Variants in PAICS observed in about 807,000 individuals in gnomAD.
The protein encoded by PAICS is phosphoribosylaminoimidazole carboxylase and phosphoribosylaminoimidazolesuccinocarboxamide synthase, also known as bifunctional phosphoribosylaminoimidazole carboxylase/phosphoribosylaminoimidazole succinocarboxamide synthetase.
PAICS carries 33 observed loss-of-function variants against 53.7 expected under a neutral mutation model. The ratio of observed to expected loss-of-function variants is 0.61; its 90% CI spans 0.47 to 0.82. PAICS has a LOEUF of 0.82. Among genes scored for constraint, PAICS ranks in the 40% least tolerant of loss-of-function variants. The pLI is 0.00. For synonymous variants in PAICS, 141 were observed against 167.2 expected, an observed-to-expected ratio of 0.84 and a Z score of 1.21; for missense variants, 394 against 494.1, an observed-to-expected ratio of 0.80 and a Z score of 1.92.
chr4:56,426,716 A>C, the PAICS span, among the ~76,000 whole-genome samples: 1 of 152,156 alleles, frequency 6.6e-6, no homozygotes, highest in Admixed American at 6.5e-5. Flanking sequence ...GGCTCCTATG[A>C]ATACTGTTGC....
intron 8 of PAICS, among the ~76,000 whole-genome samples, chr4:56,456,357 G>A (rs1309251679): frequency 6.6e-6 from 1 of 152,210 alleles, no homozygotes; most frequent in African/African-American, 2.4e-5. Flanking sequence ...CTCCCAAAGT[G>A]CTGAGGTTAT....
the PAICS span, chr4:56,422,872 C>G: frequency 1.3e-5 from 2 of 152,194 alleles, no homozygotes; most frequent in Non-Finnish European, 2.9e-5. Flanking sequence ...TCAGCATTAA[C>G]TGAGAACTTA....
At position 56,450,740 on chromosome 4, in the gene PAICS, TTTTC is replaced by T. The variant is rs752261717; in HGVS notation, c.771+41_771+44del. 7.6e-4 allele frequency: 738 copies of T among 968,528 alleles called. 6 individuals carry two copies. Among genetic ancestry groups the T allele is most frequent in the South Asian group, 5.9e-3 (405 of 68,910 alleles). 60.0% of individuals were successfully genotyped at this position (968,528 alleles called of 1,614,324 possible). On this transcript the variant is annotated intron_variant, in intron 6 of 8. Coordinates refer to ENST00000512576, the MANE Select transcript of PAICS (RefSeq NM_001079524.2). ...TAGTAAAACTGTATGTATTATGTGT[TTTTC>T]TTCTAAGAAAATCTTGTTTCAAAAG...
At chr4:56,432,164 C>G (rs557038007), upstream of PAICS, among the ~76,000 whole-genome samples, 17 of 152,184 alleles carry the variant, frequency 1.1e-4, no homozygotes, top group South Asian at 3.1e-3. Flanking sequence ...AGATTATACC[C>G]AAGACAAAAA....
At position 56,455,804 on chromosome 4, in the gene PAICS, C is replaced by A. The variant is rs574118865; in HGVS notation, c.1111+2043C>A. Among the ~76,000 whole-genome samples the A allele has an allele frequency of 7.2e-5, 11 of 152,258 alleles. No individual in the cohort carries two copies. The South Asian group carries it at 2.3e-3, about 32-fold the overall frequency. ...TATGAATTTTGTTTCTCTCTGGAAT[C>A]TTTCAGGATCTTTTGTCTGTTTTCA... On this transcript the variant is annotated intron_variant, in intron 8 of 8. Coordinates refer to ENST00000512576, the MANE Select transcript of PAICS (RefSeq NM_001079524.2).
the PAICS span, among the ~76,000 whole-genome samples, chr4:56,412,633 C>T: frequency 6.6e-6 from 1 of 152,190 alleles, no homozygotes; most frequent in Non-Finnish European, 1.5e-5. Flanking sequence ...CTTAGCATCA[C>T]TATATTTCCA....
rs111656992 is a variant in PAICS at position 56,445,587 on chromosome 4, A to C, written c.215-1108A>C. 1.9e-3 allele frequency among the ~76,000 whole-genome samples: 284 copies of C among 152,224 alleles called. 10 individuals are homozygous for C. In the South Asian group the frequency reaches 0.039, roughly 21 times the overall value. On this transcript the variant is annotated intron_variant, in intron 2 of 8. Coordinates refer to ENST00000512576, the MANE Select transcript of PAICS (RefSeq NM_001079524.2). ...GTGTGACACTTTGTCTCAAAAAAAA[A>C]CCAAAAAAACAAAAAAACCTACCTC...
chr4:56,445,315 A>G (rs900739082), intron 2 of PAICS, among the ~76,000 whole-genome samples: 2 of 152,114 alleles, frequency 1.3e-5, no homozygotes, highest in Non-Finnish European at 2.9e-5. Flanking sequence ...ACCTACTTCA[A>G]GGCCAGGCGC....
intron 1 of PAICS, among the ~76,000 whole-genome samples, chr4:56,438,400 T>TATATATATAA (rs1030859728): frequency 1.4e-5 from 2 of 144,670 alleles, no homozygotes; most frequent in South Asian, 2.2e-4. Flanking sequence ...TATATATATA[T>TATATATATAA]ATAAAAGGTT....
rs1292794606 is a variant in PAICS at position 56,444,516 on chromosome 4, A to G, written c.215-2179A>G. On this transcript the variant is annotated intron_variant, in intron 2 of 8. Transcript: ENST00000512576. ...GACATATGTATTAGCTAGAATTACT[A>G]TTCTAGCTAATATATGTTCATTGTA... 2.6e-5 allele frequency among the ~76,000 whole-genome samples: 4 copies of G among 152,192 alleles called. No homozygotes were observed. In the South Asian group the frequency reaches 6.2e-4, roughly 24 times the overall value.
At chr4:56,428,943 T>C in the PAICS span, 12 of 949,902 alleles carry the variant, frequency 1.3e-5, no homozygotes, top group East Asian at 1.3e-3. Context: ...ATTTAAGAAT[T>C]ATTTGAAGGT....
Position 56,459,638 on chromosome 4 carries a change from C to T in PAICS, c.*100C>T. 3 of 880,210 alleles carry T rather than the reference C, an allele frequency of 3.4e-6. No homozygotes were observed. Among genetic ancestry groups the T allele is most frequent in the Non-Finnish European group, 5.2e-6 (3 of 581,696 alleles). The allele number at this position is 880,210 out of a possible 1,614,324, so 54.5% of individuals were successfully genotyped here. On this transcript the variant is annotated 3_prime_UTR_variant, in exon 9 of 9. Transcript: ENST00000512576. ...GAAAAGGTAATTTTAAATTAGAGAA[C>T]ACAAATAAAATGTATTAGTGAATAA...
upstream of PAICS, among the ~76,000 whole-genome samples, chr4:56,431,827 CT>C (rs1343682554): frequency 2.0e-5 from 3 of 152,170 alleles, no homozygotes; most frequent in African/African-American, 7.2e-5. Context: ...TTGTTCAGAA[CT>C]CCGCAAACTA....
intron 6 of PAICS, 182 bp downstream of exon 6, chr4:56,450,884 C>T (rs1578156170): frequency 2.1e-6 from 1 of 486,646 alleles, no homozygotes; most frequent in East Asian, 3.6e-5. Flanking sequence ...GTGGCGCCAT[C>T]TCAGCTCACT....
In PAICS at chr4:56,453,565, G is replaced by T. The variant is rs200990375; in HGVS notation, c.953-38G>T. Reference sequence around the variant, plus strand: ...AAAACCCTGTCTTTAAATCTGTTTTGAATGTTTAGCATAATTATACTCTTG... The same window carrying T: ...AAAACCCTGTCTTTAAATCTGTTTTTAATGTTTAGCATAATTATACTCTTG... On this transcript the variant is annotated intron_variant, in intron 7 of 8. Transcript: ENST00000512576. The T allele has an allele frequency of 2.6e-3, 3,355 of 1,266,794 alleles. 8 individuals carry two copies. The highest frequency in any genetic ancestry group is 3.4e-3 in the Non-Finnish European group (3,131 of 923,102). 78.5% of individuals were successfully genotyped at this position (1,266,794 alleles called of 1,614,324 possible).
In PAICS at chr4:56,438,149, A is replaced by G. The variant is rs574296133; in HGVS notation, c.16+1821A>G. On this transcript the variant is annotated intron_variant, in intron 1 of 8. Transcript: ENST00000512576. ...TTTCATTCAAATCCTGAATACTGCT[A>G]TCCCTTCTACCTCTTCAGCCCTAAC... Among the ~76,000 whole-genome samples, 12 of 152,078 alleles carry G rather than the reference A, an allele frequency of 7.9e-5. No homozygotes were observed. In the South Asian group the frequency reaches 2.5e-3, roughly 32 times the overall value.
chr4:56,415,809 G>A, the PAICS span, among the ~76,000 whole-genome samples: 1 of 152,092 alleles, frequency 6.6e-6, no homozygotes, highest in African/African-American at 2.4e-5. Context: ...GGGCACAGTG[G>A]CTCACACCTG....
At chr4:56,437,801 CAG>C (rs34111955) in intron 1 of PAICS, among the ~76,000 whole-genome samples, 7 of 108,904 alleles carry the variant, frequency 6.4e-5, no homozygotes, top group Admixed American at 2.7e-4. Context: ...AGCCTGGCGA[CAG>C]AGAGAGACTC....
chr4:56,452,870 A>C (rs1718986172), intron 7 of PAICS, among the ~76,000 whole-genome samples: 1 of 152,160 alleles, frequency 6.6e-6, no homozygotes, highest in African/African-American at 2.4e-5. Context: ...ACTGGAAAAA[A>C]ATGTTGATTA....
Sources: allele counts gnomAD v4.1 joint callset (sites outside exome capture counted in the v4.1 genomes callset), GRCh38; gene constraint gnomAD v4.1.1; transcripts MANE v1.5; gene names NCBI Gene and HGNC (gene_info 2026-07-23, HGNC 2026-07-21).